The following USP13 variants were observed in gnomAD, a reference collection of about 807,000 sequenced individuals.
USP13 encodes ubiquitin specific peptidase 13, also known as ubiquitin carboxyl-terminal hydrolase 13.
A neutral mutation model predicts 107.8 loss-of-function variants in USP13; 68 were observed. The ratio of observed to expected loss-of-function variants is 0.63; its 90% CI spans 0.52 to 0.77. USP13 has a LOEUF of 0.77. USP13 is among the 30% of genes least tolerant of loss of function. The pLI, the probability that USP13 is intolerant of heterozygous loss-of-function variation, is 0.00. For missense variants in USP13, 945 were observed against 1,093.3 expected (o/e 0.86, Z 1.91); for synonymous variants, 377 against 389.5 (o/e 0.97, Z 0.38).
chr3:179,672,692 G>A (rs958743220), intron 1 of USP13, among the ~76,000 whole-genome samples: 11 of 152,098 alleles, frequency 7.2e-5, no homozygotes, highest in African/African-American at 2.7e-4. Flanking sequence ...GGGATTACAG[G>A]CGTGAGCCTC....
At position 179,788,379 on chromosome 3, in the gene USP13, A is replaced by G. The variant is rs1214031486; in HGVS notation, c.*4238A>G. On this transcript the variant is annotated 3_prime_UTR_variant, in exon 21 of 21. Coordinates refer to ENST00000263966, the MANE Select transcript of USP13 (RefSeq NM_003940.3). The stretch of plus-strand genomic sequence containing the variant: ...GATTTTCCACTCCATAAATCACTCT[A>G]AAAGAGTTTGCATAAGACTCGGTAG... 4 of 152,208 alleles carry G rather than the reference A, an allele frequency of 2.6e-5. No homozygotes were observed. Among genetic ancestry groups the G allele is most frequent in the South Asian group, 2.1e-4 (1 of 4,830 alleles). 9.4% of individuals were successfully genotyped at this position (152,208 alleles called of 1,614,324 possible).
chr3:179,663,337 A>G (rs1300935172), intron 1 of USP13, among the ~76,000 whole-genome samples: 9 of 152,230 alleles, frequency 5.9e-5, no homozygotes, highest in Non-Finnish European at 8.8e-5. Context: ...AAGGCAGGAT[A>G]ATATCCCATT....
chr3:179,731,559 A>C (rs567378053), intron 10 of USP13, among the ~76,000 whole-genome samples: 1 of 152,346 alleles, frequency 6.6e-6, no homozygotes, highest in South Asian at 2.1e-4. Context: ...TCCGTGGGCC[A>C]GTCGTTACTA....
intron 2 of USP13, among the ~76,000 whole-genome samples, chr3:179,688,194 AATCCATCCATCC>A (rs1214610213): frequency 1.0e-4 from 5 of 48,186 alleles, no homozygotes; most frequent in East Asian, 2.1e-3. Context: ...TCCATTCATC[AATCCATCCATCC>A]ATCCATCCAT....
chr3:179,716,074 G>A (rs2108489792), intron 6 of USP13, among the ~76,000 whole-genome samples: 1 of 152,218 alleles, frequency 6.6e-6, no homozygotes, highest in African/African-American at 2.4e-5. Flanking sequence ...ACAGGCATGT[G>A]CCACCACGCC....
chr3:179,665,668 C>T (rs1364168081), intron 1 of USP13, among the ~76,000 whole-genome samples: 2 of 151,348 alleles, frequency 1.3e-5, no homozygotes, highest in Non-Finnish European at 2.9e-5. Flanking sequence ...TCACTGCCAC[C>T]TCCGCCTCCT....
Position 179,707,042 on chromosome 3 carries a change from A to G in USP13, c.586A>G (p.Thr196Ala), listed in dbSNP as rs1576940664. 3 of 1,614,058 alleles carry G rather than the reference A, an allele frequency of 1.9e-6. 1 individual carries two copies. In the Middle Eastern group the frequency reaches 5.0e-4, roughly 266 times the overall value. ...LPVSKYANNL[T>A]QLDNGVRIPP... ...AGTATCTAAATATGCCAACAACCTC[A>G]CCCAGCTGGACAATGGAGTCAGGAT... is the stretch of plus-strand genomic sequence containing the variant. The change falls in exon 5 of 21, where the codon ACC becomes GCC. Residue 196 changes from threonine to alanine, a missense_variant. Thr to Ala is a moderately conservative substitution (Grantham distance 58). Coordinates refer to ENST00000263966, the MANE Select transcript of USP13 (RefSeq NM_003940.3).
intron 13 of USP13, among the ~76,000 whole-genome samples, chr3:179,749,120 A>C (rs1714509899): frequency 1.3e-5 from 2 of 152,158 alleles, no homozygotes; most frequent in Admixed American, 1.3e-4. Flanking sequence ...GGTTTTCAAT[A>C]CTGTAGACAT....
chr3:179,754,840 C>G lies in USP13; in HGVS notation c.1907C>G (p.Pro636Arg). 6.2e-7 allele frequency: 1 copy of G among 1,611,424 alleles called. No individual in the cohort carries two copies. Among genetic ancestry groups the G allele is most frequent in the Non-Finnish European group, 8.5e-7 (1 of 1,178,998 alleles). Residue 636 changes from proline to arginine, a missense_variant, in exon 15 of 21, where the codon CCT becomes CGT. Physicochemically the swap from Pro to Arg is moderately radical, Grantham distance 103. Coordinates refer to ENST00000263966, the MANE Select transcript of USP13 (RefSeq NM_003940.3). ...LPDISPPIVI[P>R]DDSKDRLMNQ... ...GACATCAGCCCCCCCATAGTCATTC[C>G]TGATGACTCAAAAGGTACCATCTCC... is the stretch of plus-strand genomic sequence containing the variant.
At chr3:179,663,639 G>A (rs1232591727) in intron 1 of USP13, among the ~76,000 whole-genome samples, 1 of 152,172 alleles carries the variant, frequency 6.6e-6, no homozygotes, top group East Asian at 1.9e-4. Context: ...TAAAATAGGG[G>A]TCTGATCATC....
intron 1 of USP13, among the ~76,000 whole-genome samples, chr3:179,681,312 G>T (rs1711645141): frequency 6.6e-6 from 1 of 152,096 alleles, no homozygotes; most frequent in Admixed American, 6.5e-5. Flanking sequence ...GGCAGCTAAC[G>T]CTAAAAATTC....
rs373308551 is a variant in USP13, at chr3:179,739,559, C to T, written c.1255-688C>T. 9.9e-5 allele frequency among the ~76,000 whole-genome samples: 15 copies of T among 152,172 alleles called. No homozygotes were observed. The East Asian group carries it at 1.7e-3, about 18-fold the overall frequency. ...CTCTCCTCTCATTTATTTATTCATT[C>T]ATTTATTTATTTATTGAGATGGAGT... On this transcript the variant is annotated intron_variant, in intron 10 of 20. Coordinates refer to ENST00000263966, the MANE Select transcript of USP13 (RefSeq NM_003940.3).
intron 1 of USP13, among the ~76,000 whole-genome samples, chr3:179,666,491 C>T (rs1720590482): frequency 1.3e-5 from 2 of 152,186 alleles, no homozygotes; most frequent in Admixed American, 6.5e-5. Flanking sequence ...CTTGCAGCTC[C>T]TTCACCAGTG....
At chr3:179,767,806 A>G (rs529789716) in intron 19 of USP13, among the ~76,000 whole-genome samples, 9 of 152,206 alleles carry the variant, frequency 5.9e-5, no homozygotes, top group African/African-American at 2.2e-4. Flanking sequence ...ATTTGTTCCT[A>G]TAATCATATA....
intron 13 of USP13, among the ~76,000 whole-genome samples, chr3:179,747,445 G>A (rs145087509): frequency 1.3e-5 from 2 of 152,162 alleles, no homozygotes; most frequent in African/African-American, 2.4e-5. Context: ...GCCGACTGGG[G>A]TATTGTTCAC....
chr3:179,777,771 T>C (rs16830834), intron 19 of USP13, among the ~76,000 whole-genome samples: 7,034 of 152,174 alleles, frequency 0.046, 532 homozygotes, highest in African/African-American at 0.16. Context: ...CTTCATTTCA[T>C]GAAAATTCTT....
At chr3:179,705,334 T>C (rs1712674401) in intron 4 of USP13, among the ~76,000 whole-genome samples, 1 of 152,174 alleles carries the variant, frequency 6.6e-6, no homozygotes, top group Non-Finnish European at 1.5e-5. Flanking sequence ...GTGGAGTTTA[T>C]TATATTAGAG....
At position 179,678,735 on chromosome 3, in the gene USP13, G is replaced by T. The variant is rs114225064; in HGVS notation, c.169-3143G>T. Among the ~76,000 whole-genome samples the T allele has an allele frequency of 7.2e-3, 1,092 of 152,250 alleles. 15 individuals are homozygous for T. The highest frequency in any genetic ancestry group is 0.025 in the African/African-American group (1,039 of 41,552). On this transcript the variant is annotated intron_variant, in intron 1 of 20. Transcript: ENST00000263966. This position sits in a 1 kb window ranked among gnomAD's most constrained non-coding sequence, Gnocchi z 4.2. ...TCAGCCTCCCAAAATGCTGGGATTG[G>T]ATGCTGTTTTGAAGTCAAGCTTTAA...
intron 15 of USP13, among the ~76,000 whole-genome samples, chr3:179,755,287 A>G (rs370437447): frequency 3.3e-5 from 5 of 152,198 alleles, no homozygotes; most frequent in African/African-American, 1.2e-4. Context: ...GTCATTGTTC[A>G]GAACACATAA....
Sources: allele counts gnomAD v4.1 joint callset (sites outside exome capture counted in the v4.1 genomes callset), GRCh38; gene constraint gnomAD v4.1.1; non-coding constraint Gnocchi (gnomAD v3.1); transcripts MANE v1.5; gene names NCBI Gene and HGNC (gene_info 2026-07-23, HGNC 2026-07-21).